Variants in SBF2 observed in about 807,000 individuals in gnomAD.
SBF2 encodes SET binding factor 2, also known as myotubularin-related protein 13.
A neutral mutation model predicts 225.2 loss-of-function variants in SBF2; 112 were observed. That is an observed-to-expected ratio of 0.50 (90% CI 0.43 to 0.58). The LOEUF (loss-of-function observed/expected upper bound fraction) is 0.58, where lower values mean the gene tolerates loss of function less well. SBF2 is among the 20% of genes least tolerant of loss of function. The probability of loss-of-function intolerance (pLI) is 0.00; values close to 1 mark genes in which losing one functional copy is unlikely to be tolerated. For synonymous variants in SBF2, 763 were observed against 773.3 expected (o/e 0.99, Z 0.22); for missense variants, 1,996 against 2,206.2 (o/e 0.90, Z 1.91).
At chr11:10,064,837 T>C (rs1035420936) in intron 2 of SBF2, among the ~76,000 whole-genome samples, 6 of 152,142 alleles carry the variant, frequency 3.9e-5, no homozygotes, top group Admixed American at 1.3e-4. Context: ...CAGTCAAAGA[T>C]TTCAAAACCC....
intron 6 of SBF2, among the ~76,000 whole-genome samples, chr11:10,014,404 C>T (rs1055740881): frequency 3.3e-5 from 5 of 150,046 alleles, no homozygotes; most frequent in African/African-American, 1.2e-4. Context: ...TTCCTTCTTC[C>T]ACTGAGAATG....
chr11:10,136,740 C>T (rs746795853), intron 2 of SBF2, among the ~76,000 whole-genome samples: 3 of 152,176 alleles, frequency 2.0e-5, no homozygotes, highest in Non-Finnish European at 2.9e-5. Context: ...TATTGGTATC[C>T]ACAGAGAAGT....
chr11:9,907,837 T>A (rs1007686497), intron 16 of SBF2, among the ~76,000 whole-genome samples: 2 of 152,262 alleles, frequency 1.3e-5, no homozygotes, highest in African/African-American at 4.8e-5. Context: ...TATTATTTCA[T>A]TTAATCTTCA....
intron 2 of SBF2, among the ~76,000 whole-genome samples, chr11:10,049,956 G>A (rs936231127): frequency 1.3e-5 from 2 of 152,160 alleles, no homozygotes; most frequent in African/African-American, 4.8e-5. Context: ...AAGTATGTGA[G>A]CTTAGGTTAT....
intron 1 of SBF2, among the ~76,000 whole-genome samples, chr11:10,280,763 G>C (rs1456133652): frequency 1.3e-5 from 2 of 150,244 alleles, no homozygotes; most frequent in Non-Finnish European, 2.9e-5. Context: ...TGCAGTATGG[G>C]CATGAGAAAA....
At chr11:9,817,769 T>TAAAAAAAAG (rs1854535627) in intron 28 of SBF2, among the ~76,000 whole-genome samples, 2 of 40,332 alleles carry the variant, frequency 5.0e-5, no homozygotes, top group Non-Finnish European at 1.0e-4. Flanking sequence ...AAAAAAAAAC[T>TAAAAAAAAG]ACAAAAAGAC....
intron 2 of SBF2, among the ~76,000 whole-genome samples, chr11:10,114,974 T>C (rs1953060964): frequency 6.6e-6 from 1 of 152,180 alleles, no homozygotes; most frequent in South Asian, 2.1e-4. Flanking sequence ...CATTTGGACA[T>C]TTGCTTCAGC....
At chr11:10,281,911 G>A (rs921000728) in intron 1 of SBF2, among the ~76,000 whole-genome samples, 1 of 152,116 alleles carries the variant, frequency 6.6e-6, no homozygotes, top group African/African-American at 2.4e-5. Context: ...CAATTTTGAA[G>A]TTGCCTCTGA....
At chr11:9,920,848 C>G (rs1863563092) in intron 16 of SBF2, among the ~76,000 whole-genome samples, 1 of 151,968 alleles carries the variant, frequency 6.6e-6, no homozygotes, top group Non-Finnish European at 1.5e-5. Context: ...GGAGAGAGAC[C>G]ACGTCTTTCT....
At chr11:9,994,447 C>T in intron 9 of SBF2, among the ~76,000 whole-genome samples, 1 of 150,016 alleles carries the variant, frequency 6.7e-6, no homozygotes, top group Non-Finnish European at 1.5e-5. Flanking sequence ...TGCACTCCAG[C>T]CTGGGCGACA....
At position 10,019,727 on chromosome 11, in the gene SBF2, A is replaced by G. The variant is rs187186696; in HGVS notation, c.619+8725T>C. 2.0e-5 allele frequency among the ~76,000 whole-genome samples: 3 copies of G among 152,258 alleles called. No individual in the cohort carries two copies. The East Asian group carries it at 5.8e-4, about 29-fold the overall frequency. On this transcript the variant is annotated intron_variant, in intron 6 of 39. Coordinates refer to ENST00000256190, the MANE Select transcript of SBF2 (RefSeq NM_030962.4). ...TAAGATTAAAACAAGTAATAATGCT[A>G]TATGAATAAGCTGAGAAAACTAAGA...
rs373511521 is a variant in SBF2, at chr11:10,289,787, C to T, written c.55+4228G>A. On this transcript the variant is annotated intron_variant, in intron 1 of 39. Transcript: ENST00000256190. ...TGCTCCCACTTCCGGCCCCAGACCCCCATATCACACCTCCAGCTCCGCCTC... is the reference window on the plus strand; with the variant it reads ...TGCTCCCACTTCCGGCCCCAGACCCTCATATCACACCTCCAGCTCCGCCTC... Among the ~76,000 whole-genome samples the T allele has an allele frequency of 2.0e-4, 31 of 152,286 alleles. No individual in the cohort carries two copies. In the East Asian group the frequency reaches 5.0e-3, roughly 25 times the overall value.
At chr11:10,100,344 T>C (rs10770090) in intron 2 of SBF2, among the ~76,000 whole-genome samples, 70,835 of 152,122 alleles carry the variant, frequency 0.47, 16,939 homozygotes, top group Admixed American at 0.56. Context: ...TCGTCTGGGA[T>C]TGCCCTTGTG....
At chr11:10,063,858 C>CACACACACACAGAG (rs373423157) in intron 2 of SBF2, among the ~76,000 whole-genome samples, 5 of 136,172 alleles carry the variant, frequency 3.7e-5, no homozygotes, top group African/African-American at 1.1e-4. Flanking sequence ...CACACACACA[C>CACACACACACAGAG]AGAGAGAGAG....
chr11:9,825,727 A>G (rs967162723), intron 28 of SBF2, among the ~76,000 whole-genome samples: 1 of 152,244 alleles, frequency 6.6e-6, no homozygotes, highest in African/African-American at 2.4e-5. Flanking sequence ...ATTCATAGTT[A>G]CTTTTAAAAA....
chr11:9,910,702 T>TAA (rs201982974), intron 16 of SBF2, among the ~76,000 whole-genome samples: 2 of 148,838 alleles, frequency 1.3e-5, no homozygotes, highest in Admixed American at 6.7e-5. Flanking sequence ...GTTTAAAAAG[T>TAA]AAAAAAAAAA....
chr11:10,028,479 T>C lies in SBF2; in HGVS notation c.592A>G (p.Ser198Gly). Residue 198 changes from serine to glycine, a missense_variant, in exon 6 of 40, where the codon AGT (serine) becomes GGT (glycine). Physicochemically the swap from Ser to Gly is moderately conservative, Grantham distance 56. Coordinates refer to ENST00000256190, the MANE Select transcript of SBF2 (RefSeq NM_030962.4). ...LHDSLPITGT[S>G]VALLFQQLGI... ...AATTGCTGGAACAGGAGAGCCACAC[T>C]AGTGCCCGTGATAGGAAGACTATCA... 6.2e-7 allele frequency: 1 copy of C among 1,613,256 alleles called. No homozygotes were observed. The highest frequency in any genetic ancestry group is 8.5e-7 in the Non-Finnish European group (1 of 1,179,244).
chr11:9,928,356 TATC>T (rs1384342745), intron 16 of SBF2, among the ~76,000 whole-genome samples: 2 of 152,162 alleles, frequency 1.3e-5, no homozygotes, highest in African/African-American at 2.4e-5. Context: ...AGATGTCCAA[TATC>T]ATCAGTCATT....
intron 1 of SBF2, among the ~76,000 whole-genome samples, chr11:10,235,273 G>A (rs191595832): frequency 2.6e-5 from 4 of 152,264 alleles, no homozygotes; most frequent in African/African-American, 4.8e-5. Flanking sequence ...GGTGGCTCAC[G>A]ATTGTAATCC....
Sources: allele counts gnomAD v4.1 joint callset (sites outside exome capture counted in the v4.1 genomes callset), GRCh38; gene constraint gnomAD v4.1.1; transcripts MANE v1.5; gene names NCBI Gene and HGNC (gene_info 2026-07-23, HGNC 2026-07-21).